Variants in PKHD1L1 observed in about 807,000 individuals in gnomAD.
The protein encoded by PKHD1L1 is PKHD1 like 1, also known as fibrocystin-L.
A neutral mutation model predicts 462.9 loss-of-function variants in PKHD1L1; 434 were observed. The observed-to-expected ratio is 0.94, with a 90% confidence interval of 0.87 to 1.02. The LOEUF is 1.02. Among genes scored for constraint, PKHD1L1 ranks in the 50% least tolerant of loss-of-function variants. The pLI is 0.00. For missense variants in PKHD1L1, 5,202 were observed against 5,096.1 expected (o/e 1.02, Z -0.63); for synonymous variants, 1,781 against 1,750.0 (o/e 1.02, Z -0.44).
chr8:109,399,312 T>C (rs1296338295), intron 12 of PKHD1L1, among the ~76,000 whole-genome samples: 1 of 152,260 alleles, frequency 6.6e-6, no homozygotes, highest in East Asian at 1.9e-4. Context: ...TCAAAGCTTA[T>C]CTTCAACCAA....
intron 14 of PKHD1L1, among the ~76,000 whole-genome samples, chr8:109,402,245 G>A (rs926699577): frequency 6.6e-6 from 1 of 152,190 alleles, no homozygotes; most frequent in Admixed American, 6.6e-5. Flanking sequence ...ATCAAAAGAT[G>A]CATTTGCATC....
intron 63 of PKHD1L1, among the ~76,000 whole-genome samples, chr8:109,495,415 T>C (rs73704042): frequency 0.015 from 2,254 of 152,178 alleles, 28 homozygotes; most frequent in Middle Eastern, 0.051. Flanking sequence ...TATTCCTAAA[T>C]AATTGAGACT....
chr8:109,496,338 G>A (rs2130935915), intron 63 of PKHD1L1, among the ~76,000 whole-genome samples: 1 of 152,302 alleles, frequency 6.6e-6, no homozygotes, highest in Non-Finnish European at 1.5e-5. Flanking sequence ...TTTAGGGAAG[G>A]TCTTTTAAGG....
At chr8:109,427,921 G>C (rs578181686) in intron 25 of PKHD1L1, among the ~76,000 whole-genome samples, 1 of 151,072 alleles carries the variant, frequency 6.6e-6, no homozygotes, top group Non-Finnish European at 1.5e-5. Context: ...GGAGGCTGAG[G>C]CAGGAGAATC....
intron 21 of PKHD1L1, among the ~76,000 whole-genome samples, chr8:109,414,497 T>G (rs1056032373): frequency 1.3e-5 from 2 of 152,072 alleles, no homozygotes; most frequent in Non-Finnish European, 2.9e-5. Flanking sequence ...CTTTTTTTTT[T>G]GCTTTTTCTT....
intron 28 of PKHD1L1, among the ~76,000 whole-genome samples, chr8:109,434,901 T>A (rs1156300925): frequency 6.6e-6 from 1 of 152,138 alleles, no homozygotes; most frequent in Non-Finnish European, 1.5e-5. Flanking sequence ...TTTAAAAAAA[T>A]TATGACAATA....
chr8:109,439,840 G>A (rs1407546460), intron 32 of PKHD1L1, among the ~76,000 whole-genome samples: 2 of 152,138 alleles, frequency 1.3e-5, no homozygotes, highest in Non-Finnish European at 2.9e-5. Context: ...TAATGTCAGA[G>A]TAGAAGGAGA....
chr8:109,378,862 G>A (rs894259687), intron 2 of PKHD1L1, among the ~76,000 whole-genome samples: 2 of 152,218 alleles, frequency 1.3e-5, no homozygotes, highest in Non-Finnish European at 2.9e-5. Flanking sequence ...AGAGGCATAT[G>A]AAGGGACTCA....
Position 109,451,077 on chromosome 8 carries a change from T to C in PKHD1L1, c.6278T>C (p.Ile2093Thr). The change falls in exon 41 of 78, where the codon ATC (isoleucine) becomes ACC (threonine). Residue 2093 changes from isoleucine to threonine, a missense_variant. Physicochemically the swap from Ile to Thr is moderately conservative, Grantham distance 89 (BLOSUM62 -1). Around this residue, in one of 3 missense-constraint regions of PKHD1L1, gnomAD observed 4,497 missense variants for 4,336.8 expected, o/e 1.04. Coordinates refer to ENST00000378402, the MANE Select transcript of PKHD1L1 (RefSeq NM_177531.6). ...TACGCAGTGTCACTGACTCCACTCA[T>C]CACTGCAGTATCTCCTAAGAGAGGC... ...FTYAVSLTPLITAVSPKRGST... is the reference protein window; with the variant it reads ...FTYAVSLTPLTTAVSPKRGST... 1 of 1,613,770 alleles carries C rather than the reference T, an allele frequency of 6.2e-7. No homozygotes were observed. The highest frequency in any genetic ancestry group is 8.5e-7 in the Non-Finnish European group (1 of 1,179,754).
At chr8:109,402,873 T>A (rs1474607522) in intron 14 of PKHD1L1, among the ~76,000 whole-genome samples, 1 of 152,208 alleles carries the variant, frequency 6.6e-6, no homozygotes, top group African/African-American at 2.4e-5. Flanking sequence ...GAGGTCTTAG[T>A]AATACTGACA....
chr8:109,465,329 A>G, intron 49 of PKHD1L1, 84 bp downstream of exon 49: 7 of 1,421,440 alleles, frequency 4.9e-6, no homozygotes, highest in Non-Finnish European at 6.6e-6. Context: ...AAGCAGACTT[A>G]GGTGCCTTAC....
At position 109,388,498 on chromosome 8, in the gene PKHD1L1, G is replaced by C; in HGVS notation, c.571G>C (p.Val191Leu). 1 of 1,507,086 alleles carries C rather than the reference G, an allele frequency of 6.6e-7. No homozygotes were observed. Among genetic ancestry groups the C allele is most frequent in the Non-Finnish European group, 9.0e-7 (1 of 1,108,514 alleles). The allele number at this position is 1,507,086 out of a possible 1,614,324, so 93.4% of individuals were successfully genotyped here. ...SNGKNVRILR[V>L]YIGGMPCELL... The stretch of plus-strand genomic sequence containing the variant: ...TTTCTAATAAAAATATTTGTACAGA[G>C]TTTACATTGGAGGAATGCCCTGTGA... The change falls in exon 7 of 78, where the codon GTT becomes CTT. Residue 191 changes from valine (V) to leucine (L), a missense_variant and splice_region_variant. Coordinates refer to ENST00000378402, the MANE Select transcript of PKHD1L1 (RefSeq NM_177531.6).
In PKHD1L1 at chr8:109,444,855, C is replaced by T. The variant is rs1175377445; in HGVS notation, c.4986C>T (p.Asp1662=). ...GATTTGTACTTTTGCCAAACATTGACCTGGTGTTGCCAAATGCAGGATCAA... is the reference window on the plus strand; with the variant it reads ...GATTTGTACTTTTGCCAAACATTGATCTGGTGTTGCCAAATGCAGGATCAA... ...DRRFVLLPNI[D]LVLPNAGSTT... The change falls in exon 38 of 78, where the codon GAC becomes GAT. Residue 1662 remains aspartate, a synonymous_variant. Transcript: ENST00000378402. 8 of 1,613,986 alleles carry T rather than the reference C, an allele frequency of 5.0e-6. No individual in the cohort carries two copies. The highest frequency in any genetic ancestry group is 1.7e-5 in the Admixed American group (1 of 60,006).
At chr8:109,404,195 C>T (rs1401837343) in intron 14 of PKHD1L1, among the ~76,000 whole-genome samples, 1 of 152,122 alleles carries the variant, frequency 6.6e-6, no homozygotes, top group East Asian at 1.9e-4. Context: ...TTCTTGAACA[C>T]ATTAAAATAT....
chr8:109,388,945 C>T, intron 7 of PKHD1L1, 134 bp from the exon 8 acceptor site: 1 of 534,560 alleles, frequency 1.9e-6, no homozygotes, highest in Non-Finnish European at 3.2e-6. Flanking sequence ...TTTTATTTTA[C>T]AGAAATTTTG....
intron 38 of PKHD1L1, among the ~76,000 whole-genome samples, chr8:109,447,726 A>G (rs1006433606): frequency 1.3e-5 from 2 of 152,230 alleles, no homozygotes; most frequent in African/African-American, 4.8e-5. Flanking sequence ...TCTCTCCTCA[A>G]AAGAGCTGCT....
rs755585115 is a variant in PKHD1L1 at position 109,526,830 on chromosome 8, A to G, written c.12531A>G (p.Val4177=). 45 of 1,574,434 alleles carry G rather than the reference A, an allele frequency of 2.9e-5. No homozygotes were observed. The highest frequency in any genetic ancestry group is 3.5e-5 in the Non-Finnish European group (41 of 1,159,148). ...TTATACTGGATAATGTTGTTGGGGT[A>G]GAATCCAGAACTTTCAGCCTGCTGG... ...IEFILDNVVG[V]ESRTFSLLAE... Residue 4177 remains valine (V), a synonymous_variant, in exon 77 of 78, where the codon GTA becomes GTG. Transcript: ENST00000378402.
intron 67 of PKHD1L1, 124 bp from the exon 68 acceptor site, chr8:109,504,203 A>C (rs962963653): frequency 1.8e-6 from 1 of 553,724 alleles, no homozygotes; most frequent in Non-Finnish European, 3.0e-6. Context: ...CTTATTTACC[A>C]TATCAGGCAA....
At chr8:109,374,177 G>C (rs1194858809) in intron 2 of PKHD1L1, among the ~76,000 whole-genome samples, 1 of 152,168 alleles carries the variant, frequency 6.6e-6, no homozygotes, top group South Asian at 2.1e-4. Flanking sequence ...TTATGAATCT[G>C]GGTGCTCCTG....
Sources: gnomAD v4.1 joint callset for allele counts (sites outside exome capture counted in the v4.1 genomes callset) on GRCh38, gnomAD v4.1.1 for gene constraint, gnomAD v4.1.1 regional missense constraint, MANE v1.5 for transcripts, NCBI Gene and HGNC (gene_info 2026-07-23, HGNC 2026-07-21) for gene names.